Variants in SLC24A3 observed in about 807,000 individuals in gnomAD.
The protein encoded by SLC24A3 is sodium/potassium/calcium exchanger 3.
In SLC24A3, 28 loss-of-function variants were observed where a neutral mutation model predicts 75.8. The observed-to-expected ratio is 0.37, with a 90% confidence interval of 0.27 to 0.51. SLC24A3 has a LOEUF of 0.51. Ranked by LOEUF, SLC24A3 falls within the 20% of genes least tolerant of loss-of-function variation. SLC24A3 has a pLI of 0.94. For missense variants in SLC24A3, 663 were observed against 847.8 expected, an observed-to-expected ratio of 0.78 and a Z score of 2.71; for synonymous variants, 372 against 334.1, an observed-to-expected ratio of 1.11 and a Z score of -1.24.
rs144363693 is a variant in SLC24A3 at position 19,240,342 on chromosome 20, A to T, written c.142+27358A>T. Among the ~76,000 whole-genome samples the T allele has an allele frequency of 2.6e-3, 396 of 152,222 alleles. 1 individual carries two copies. The highest frequency in any genetic ancestry group is 9.0e-3 in the African/African-American group (375 of 41,548). On this transcript the variant is annotated intron_variant, in intron 1 of 16. Coordinates refer to ENST00000328041, the MANE Select transcript of SLC24A3 (RefSeq NM_020689.4). ...TTGAAATAACATGCAGACCCTCAAT[A>T]CCACACTGTCCTACTTCTAGAAGGA...
intron 2 of SLC24A3, among the ~76,000 whole-genome samples, chr20:19,476,500 T>A (rs1336615389): frequency 6.6e-6 from 1 of 152,234 alleles, no homozygotes; most frequent in Non-Finnish European, 1.5e-5. Flanking sequence ...AAGGAAAATT[T>A]GCTAAGCTGG....
At position 19,602,306 on chromosome 20, in the gene SLC24A3, C is replaced by T. The variant is rs564106947; in HGVS notation, c.612+16762C>T. The stretch of plus-strand genomic sequence containing the variant: ...TAGAGTCCCCTGAAAAAAGTACTAT[C>T]ATTGTCCCCATTTTACAGATGAAAA... On this transcript the variant is annotated intron_variant, in intron 6 of 16. Transcript: ENST00000328041. Among the ~76,000 whole-genome samples, 70 of 152,226 alleles carry T rather than the reference C, an allele frequency of 4.6e-4. 1 individual carries two copies. Among genetic ancestry groups the T allele is most frequent in the African/African-American group, 1.6e-3 (65 of 41,522 alleles).
chr20:19,584,197 TAACA>T (rs3838380), intron 4 of SLC24A3, among the ~76,000 whole-genome samples: 6,465 of 152,294 alleles, frequency 0.042, 150 homozygotes, highest in East Asian at 0.093. Context: ...CCTTTTGGTT[TAACA>T]AACAGAGTAA....
intron 2 of SLC24A3, among the ~76,000 whole-genome samples, chr20:19,366,976 C>T (rs965969480): frequency 6.6e-6 from 1 of 152,144 alleles, no homozygotes; most frequent in African/African-American, 2.4e-5. Flanking sequence ...AACAGATGCA[C>T]CAATTGGCCA....
At chr20:19,412,572 G>A (rs753036064) in intron 2 of SLC24A3, among the ~76,000 whole-genome samples, 8 of 151,312 alleles carry the variant, frequency 5.3e-5, no homozygotes, top group Non-Finnish European at 8.8e-5. Flanking sequence ...GGGACAGGAC[G>A]AGGAGAAAGG....
At chr20:19,470,426 CA>C (rs1332077809) in intron 2 of SLC24A3, among the ~76,000 whole-genome samples, 1 of 152,130 alleles carries the variant, frequency 6.6e-6, no homozygotes, top group Non-Finnish European at 1.5e-5. Context: ...CTGCACTGCC[CA>C]AGAATCAACA....
chr20:19,488,848 A>C (rs1299027689), intron 2 of SLC24A3, among the ~76,000 whole-genome samples: 1 of 152,172 alleles, frequency 6.6e-6, no homozygotes, highest in Non-Finnish European at 1.5e-5. Flanking sequence ...ACATGAAACA[A>C]AGTTAGTGTA....
At chr20:19,698,171 C>T (rs1002915377) in intron 14 of SLC24A3, among the ~76,000 whole-genome samples, 1 of 152,126 alleles carries the variant, frequency 6.6e-6, no homozygotes, top group African/African-American at 2.4e-5. Flanking sequence ...TATCACAAAG[C>T]CGGTACCAAT....
At chr20:19,326,636 G>A (rs1388843051) in intron 2 of SLC24A3, among the ~76,000 whole-genome samples, 1 of 147,762 alleles carries the variant, frequency 6.8e-6, no homozygotes, top group African/African-American at 2.5e-5. Context: ...GGTGTGTAGT[G>A]ATGCAATCAT....
At chr20:19,622,545 T>C (rs2031817401) in intron 6 of SLC24A3, among the ~76,000 whole-genome samples, 1 of 152,222 alleles carries the variant, frequency 6.6e-6, no homozygotes, top group Non-Finnish European at 1.5e-5. Flanking sequence ...ACTCTCATTC[T>C]TGGAGTCTGT....
At position 19,388,555 on chromosome 20, in the gene SLC24A3, C is replaced by G. The variant is rs1986311501; in HGVS notation, c.271+107468C>G. On this transcript the variant is annotated intron_variant, in intron 2 of 16. Transcript: ENST00000328041. ...TGAAACCCCATCTCTACTAGAAATA[C>G]AAAAAATTAGCCGGGCGTGGTGGTG... Among the ~76,000 whole-genome samples, 6 of 152,086 alleles carry G rather than the reference C, an allele frequency of 3.9e-5. No homozygotes were observed. In the South Asian group the frequency reaches 1.2e-3, roughly 32 times the overall value.
intron 6 of SLC24A3, 40 bp downstream of exon 6, chr20:19,585,584 T>C (rs755499254): frequency 1.5e-5 from 24 of 1,583,616 alleles, no homozygotes; most frequent in East Asian, 4.5e-5. Context: ...AAATGTGACA[T>C]TGGGGAAAGG....
At chr20:19,662,373 G>C (rs2032336678) in intron 7 of SLC24A3, among the ~76,000 whole-genome samples, 1 of 152,248 alleles carries the variant, frequency 6.6e-6, no homozygotes, top group Admixed American at 6.5e-5. Context: ...CCCCAGGACA[G>C]AGCACCAGGC....
intron 1 of SLC24A3, among the ~76,000 whole-genome samples, chr20:19,277,035 C>T (rs1024315254): frequency 6.6e-6 from 1 of 152,222 alleles, no homozygotes; most frequent in Admixed American, 6.5e-5. Flanking sequence ...TACCTCTTCA[C>T]TGCTAGCCTA....
chr20:19,250,231 G>A (rs1388614432), intron 1 of SLC24A3, among the ~76,000 whole-genome samples: 3 of 152,178 alleles, frequency 2.0e-5, no homozygotes, highest in East Asian at 3.9e-4. Flanking sequence ...CCAAACCACT[G>A]CTTATACAAT....
At chr20:19,638,796 G>A (rs2032030915) in intron 6 of SLC24A3, among the ~76,000 whole-genome samples, 2 of 152,090 alleles carry the variant, frequency 1.3e-5, no homozygotes, top group South Asian at 2.1e-4. Context: ...ACAGACCCTC[G>A]CGGTGAGTGT....
intron 11 of SLC24A3, among the ~76,000 whole-genome samples, chr20:19,684,600 A>G (rs1238655424): frequency 6.6e-6 from 1 of 152,056 alleles, no homozygotes; most frequent in Non-Finnish European, 1.5e-5. Context: ...TTTTTCTTCT[A>G]TTCTTCCATT....
chr20:19,245,401 G>T (rs936214634), intron 1 of SLC24A3, among the ~76,000 whole-genome samples: 5 of 152,094 alleles, frequency 3.3e-5, no homozygotes, highest in Admixed American at 3.3e-4. Flanking sequence ...AAATATTTCA[G>T]ACTGTATAAA....
At chr20:19,272,191 C>A (rs1047537108) in intron 1 of SLC24A3, among the ~76,000 whole-genome samples, 1 of 152,236 alleles carries the variant, frequency 6.6e-6, no homozygotes, top group African/African-American at 2.4e-5. Flanking sequence ...CACTTGCAGG[C>A]TCTGCAGCCT....
Sources: allele counts gnomAD v4.1 joint callset (sites outside exome capture counted in the v4.1 genomes callset), GRCh38; gene constraint gnomAD v4.1.1; transcripts MANE v1.5; gene names NCBI Gene and HGNC (gene_info 2026-07-23, HGNC 2026-07-21).